TRIO: variants seen among roughly 807,000 people sequenced by gnomAD.
TRIO encodes the protein triple functional domain protein.
Under a neutral mutation model 351.9 loss-of-function variants are expected in TRIO, and 58 were observed. That is an observed-to-expected ratio of 0.16 (90% CI 0.13 to 0.21). TRIO has a LOEUF of 0.21. Ranked by LOEUF, TRIO falls within the 10% of genes least tolerant of loss-of-function variation. TRIO has a pLI of 1.00. For missense variants in TRIO, 3,201 were observed against 4,027.8 expected, an observed-to-expected ratio of 0.79 and a Z score of 5.56; for synonymous variants, 1,758 against 1,595.7, an observed-to-expected ratio of 1.10 and a Z score of -2.42.
At chr5:14,323,943 T>G (rs1056855907) in intron 9 of TRIO, among the ~76,000 whole-genome samples, 2 of 152,212 alleles carry the variant, frequency 1.3e-5, no homozygotes, top group South Asian at 2.1e-4. Flanking sequence ...AGTCTTCCTT[T>G]ATGGCCACCT....
At chr5:14,455,627 G>C (rs1444775976) in intron 34 of TRIO, among the ~76,000 whole-genome samples, 1 of 152,122 alleles carries the variant, frequency 6.6e-6, no homozygotes, top group Non-Finnish European at 1.5e-5. Context: ...TAGACACAGA[G>C]TGCTGATTGG....
chr5:14,472,160 A>G (rs1040534812), intron 38 of TRIO, among the ~76,000 whole-genome samples: 2 of 152,262 alleles, frequency 1.3e-5, no homozygotes, highest in African/African-American at 4.8e-5. Flanking sequence ...AACAAACAGA[A>G]ATACTTGTGA....
At chr5:14,183,384 T>C (rs1046931711) in intron 1 of TRIO, among the ~76,000 whole-genome samples, 2 of 152,156 alleles carry the variant, frequency 1.3e-5, no homozygotes, top group African/African-American at 4.8e-5. Flanking sequence ...AACATATGTA[T>C]GTTTACATAA....
chr5:14,283,419 C>T (rs1736176679), intron 3 of TRIO, among the ~76,000 whole-genome samples: 1 of 152,192 alleles, frequency 6.6e-6, no homozygotes, highest in Non-Finnish European at 1.5e-5. Context: ...GGACACATGA[C>T]TTCACTTTCA....
chr5:14,426,791 G>A (rs1750679950), intron 34 of TRIO, among the ~76,000 whole-genome samples: 1 of 152,140 alleles, frequency 6.6e-6, no homozygotes, highest in African/African-American at 2.4e-5. Context: ...ACTGCTCAGT[G>A]GGAGACTCTC....
chr5:14,277,135 C>T (rs1024626833), intron 2 of TRIO, among the ~76,000 whole-genome samples: 1 of 152,182 alleles, frequency 6.6e-6, no homozygotes, highest in Non-Finnish European at 1.5e-5. Flanking sequence ...ATTCTTAAAT[C>T]AGCGAATGAA....
At chr5:14,203,289 G>A (rs369112273) in intron 1 of TRIO, among the ~76,000 whole-genome samples, 2 of 152,312 alleles carry the variant, frequency 1.3e-5, no homozygotes, top group East Asian at 1.9e-4. Context: ...CAGTGTTCCT[G>A]TGGAATAAGT....
intron 1 of TRIO, among the ~76,000 whole-genome samples, chr5:14,266,368 CT>C (rs1795678800): frequency 6.6e-6 from 1 of 152,156 alleles, no homozygotes; most frequent in Admixed American, 6.5e-5. Flanking sequence ...GATGAATGCC[CT>C]TTGCCTGGCC....
intron 3 of TRIO, among the ~76,000 whole-genome samples, chr5:14,284,392 C>T (rs891182566): frequency 6.6e-6 from 1 of 152,154 alleles, no homozygotes; most frequent in Non-Finnish European, 1.5e-5. Context: ...CAAGTCACTG[C>T]TGTCTTAATG....
chr5:14,454,592 A>C (rs1304773315), intron 34 of TRIO, among the ~76,000 whole-genome samples: 1 of 152,190 alleles, frequency 6.6e-6, no homozygotes, highest in African/African-American at 2.4e-5. Flanking sequence ...TTGTTGGCTC[A>C]CCTGTTTGTC....
intron 7 of TRIO, among the ~76,000 whole-genome samples, chr5:14,301,127 C>A (rs762045874): frequency 8.5e-5 from 13 of 152,100 alleles, no homozygotes; most frequent in Non-Finnish European, 1.6e-4. Flanking sequence ...AGAGTAAATG[C>A]TTAGGAAAAG....
intron 34 of TRIO, among the ~76,000 whole-genome samples, chr5:14,438,533 C>T (rs933391484): frequency 1.3e-5 from 2 of 152,230 alleles, no homozygotes; most frequent in Non-Finnish European, 2.9e-5. Flanking sequence ...CTCCTTCCCA[C>T]CCTCACGGCC....
rs1304685575 is a variant in TRIO, at chr5:14,363,937, C to T, written c.2587+10C>T. On this transcript the variant is annotated intron_variant, in intron 14 of 56. Coordinates refer to ENST00000344204, the MANE Select transcript of TRIO (RefSeq NM_007118.4). ...GAGGTCCAGGCCTCTGGTAAGAGGG[C>T]TCACTCCATCTGTGTCCGTTGTGAT... is the stretch of plus-strand genomic sequence containing the variant. The T allele has an allele frequency of 9.9e-6, 16 of 1,608,842 alleles. No individual in the cohort carries two copies. Among genetic ancestry groups the T allele is most frequent in the Non-Finnish European group, 1.4e-5 (16 of 1,176,470 alleles).
intron 1 of TRIO, among the ~76,000 whole-genome samples, chr5:14,238,686 C>G (rs1395065907): frequency 2.0e-5 from 3 of 152,176 alleles, no homozygotes; most frequent in Non-Finnish European, 4.4e-5. Context: ...TAAAGTGCTA[C>G]TTTAAGTTAA....
chr5:14,420,124 G>C, intron 34 of TRIO, 103 bp downstream of exon 34: 1 of 1,512,478 alleles, frequency 6.6e-7, no homozygotes, highest in South Asian at 1.3e-5. Flanking sequence ...GAGCTTCCTT[G>C]TCAGCTGTGC....
intron 7 of TRIO, among the ~76,000 whole-genome samples, chr5:14,304,033 G>A (rs1473158798): frequency 1.3e-5 from 2 of 152,198 alleles, no homozygotes; most frequent in Admixed American, 1.3e-4. Flanking sequence ...GCTGCAAGGA[G>A]AAGGAGCATC....
In TRIO at chr5:14,358,162, C is replaced by A. The variant is rs551206640; in HGVS notation, c.2047-16C>A. On this transcript the variant is annotated splice_polypyrimidine_tract_variant and intron_variant, in intron 11 of 56. Transcript: ENST00000344204. ...AGCCAGGCCGGCCGGCCTCACCCCCCTCTCCCCTTCCCCAGCTGTGGACGT... is the reference window on the plus strand; with the variant it reads ...AGCCAGGCCGGCCGGCCTCACCCCCATCTCCCCTTCCCCAGCTGTGGACGT... 10 of 1,607,636 alleles carry A rather than the reference C, an allele frequency of 6.2e-6. No individual in the cohort carries two copies. The East Asian group carries it at 1.1e-4, about 18-fold the overall frequency.
intron 34 of TRIO, among the ~76,000 whole-genome samples, chr5:14,433,020 T>C (rs1246912833): frequency 6.6e-6 from 1 of 152,212 alleles, no homozygotes; most frequent in Admixed American, 6.5e-5. Flanking sequence ...CTGTTGTTTT[T>C]GTTACTTTTT....
At chr5:14,343,328 A>G (rs1274356750) in intron 11 of TRIO, among the ~76,000 whole-genome samples, 1 of 152,230 alleles carries the variant, frequency 6.6e-6, no homozygotes, top group East Asian at 1.9e-4. Context: ...TGTAACCACC[A>G]TCACTTTCAA....
Sources: allele counts gnomAD v4.1 joint callset (sites outside exome capture counted in the v4.1 genomes callset), GRCh38; gene constraint gnomAD v4.1.1; transcripts MANE v1.5; gene names NCBI Gene and HGNC (gene_info 2026-07-23, HGNC 2026-07-21).